RUBCN: variants seen among roughly 807,000 people sequenced by gnomAD.
RUBCN encodes run domain Beclin-1-interacting and cysteine-rich domain-containing protein.
In RUBCN, 74 loss-of-function variants were observed where a neutral mutation model predicts 113.2. The ratio of observed to expected loss-of-function variants is 0.65; its 90% confidence interval spans 0.54 to 0.79. The LOEUF (loss-of-function observed/expected upper bound fraction) is 0.79, where lower values mean the gene tolerates loss of function less well. Ranked by LOEUF, RUBCN falls within the 30% of genes least tolerant of loss-of-function variation. The pLI is 0.00. For missense variants in RUBCN, 1,109 were observed against 1,251.7 expected (o/e 0.89, Z 1.72); for synonymous variants, 480 against 490.0 (o/e 0.98, Z 0.27).
chr3:197,705,019 A>T (rs1374861400), intron 3 of RUBCN, 73 bp downstream of exon 3: 2 of 1,189,890 alleles, frequency 1.7e-6, no homozygotes, highest in Non-Finnish European at 2.5e-6. Flanking sequence ...AGCCTAGAAG[A>T]TTCTTCTGAC....
chr3:197,679,728 C>G (rs2108843568), intron 16 of RUBCN, among the ~76,000 whole-genome samples: 1 of 147,434 alleles, frequency 6.8e-6, no homozygotes, highest in South Asian at 2.2e-4. Flanking sequence ...CCAGACTGTC[C>G]TACGCTCTGA....
Position 197,705,129 on chromosome 3 carries a change from C to A in RUBCN, c.266G>T (p.Arg89Leu). 1 of 1,614,064 alleles carries A rather than the reference C, an allele frequency of 6.2e-7. No individual in the cohort carries two copies. Among genetic ancestry groups the A allele is most frequent in the East Asian group, 2.2e-5 (1 of 44,882 alleles). ...AAGGGCTGAGTGGGGACTGAGCCACCGGATGTCTTTCACGAACTGCCAGTA... is the reference window on the plus strand; with the variant it reads ...AAGGGCTGAGTGGGGACTGAGCCACAGGATGTCTTTCACGAACTGCCAGTA... ...TDYWQFVKDI[R>L]WLSPHSALHV... is the part of the protein sequence containing the mutation. The change falls in exon 3 of 20, where the codon CGG (arginine) becomes CTG (leucine). Residue 89 changes from arginine to leucine, a missense_variant. Around this residue, in one of 3 missense-constraint regions of RUBCN, gnomAD observed 736 missense variants for 779.6 expected, o/e 0.94. Coordinates refer to ENST00000296343, the MANE Select transcript of RUBCN (RefSeq NM_014687.4).
In RUBCN at chr3:197,684,138, G is replaced by A; in HGVS notation, c.1847+19C>T. On this transcript the variant is annotated intron_variant, in intron 12 of 19. Transcript: ENST00000296343. ...CCTAAGGTTTTCTTTTCTTTTTTTT[G>A]GTAAAAAAAAGTACTCACAAGGACT... The A allele has an allele frequency of 6.4e-7, 1 of 1,574,532 alleles. No individual in the cohort carries two copies. The highest frequency in any genetic ancestry group is 8.7e-7 in the Non-Finnish European group (1 of 1,145,028).
chr3:197,746,549 A>G (rs1266714778), intron 1 of RUBCN, among the ~76,000 whole-genome samples: 1 of 152,236 alleles, frequency 6.6e-6, no homozygotes. Flanking sequence ...CAATGAAATG[A>G]TTCTCTGTTG....
intron 1 of RUBCN, among the ~76,000 whole-genome samples, chr3:197,743,782 A>C (rs989325138): frequency 4.6e-5 from 7 of 152,134 alleles, no homozygotes; most frequent in Admixed American, 1.3e-4. Flanking sequence ...TCAGGAGTTC[A>C]AGACCAGCCT....
intron 2 of RUBCN, among the ~76,000 whole-genome samples, chr3:197,712,129 GC>G (rs1182461944): frequency 3.3e-5 from 5 of 151,894 alleles, no homozygotes; most frequent in African/African-American, 1.2e-4. Flanking sequence ...CTTGATTGTG[GC>G]AAAAGGAGGA....
intron 14 of RUBCN, 58 bp downstream of exon 14, chr3:197,682,412 C>G: frequency 5.6e-6 from 9 of 1,607,186 alleles, no homozygotes; most frequent in Non-Finnish European, 7.7e-6. Context: ...GACGAAAACC[C>G]TGACAATCCA....
Position 197,674,368 on chromosome 3 carries a change from A to G in RUBCN, c.*650T>C, listed in dbSNP as rs1460012920. The G allele has an allele frequency of 3.9e-6, 1 of 253,526 alleles. No homozygotes were observed. The highest frequency in any genetic ancestry group is 8.9e-6 in the Non-Finnish European group (1 of 112,690). The allele number at this position is 253,526 out of a possible 1,614,324, so 15.7% of individuals were successfully genotyped here. A position where few individuals can be genotyped will look rare whatever the true frequency, so the allele number is the denominator to read the frequency against. On this transcript the variant is annotated 3_prime_UTR_variant, in exon 20 of 20. Transcript: ENST00000296343. ...GCTTGTGGCATCCTCTATGCTTCAA[A>G]TATTTCAAACAGGAACTCCCGGCAA... is the stretch of plus-strand genomic sequence containing the variant.
At chr3:197,700,478 T>C in intron 7 of RUBCN, 135 bp downstream of exon 7, 1 of 813,072 alleles carries the variant, frequency 1.2e-6, no homozygotes, top group Non-Finnish European at 2.0e-6. Context: ...TAAACTTCTT[T>C]CATTACAAAA....
At chr3:197,705,888 T>C (rs1580279030) in intron 2 of RUBCN, among the ~76,000 whole-genome samples, 2 of 152,098 alleles carry the variant, frequency 1.3e-5, no homozygotes, top group East Asian at 3.9e-4. Flanking sequence ...ACATCACGCC[T>C]GGCTAATTTT....
chr3:197,734,655 T>G (rs1229512094), intron 1 of RUBCN, among the ~76,000 whole-genome samples: 1 of 152,134 alleles, frequency 6.6e-6, no homozygotes, highest in Non-Finnish European at 1.5e-5. Context: ...ATAGCATTTG[T>G]TACATACATT....
chr3:197,683,048 G>A lies in RUBCN; in HGVS notation c.1980+259C>T, dbSNP rs140860821. ...ATTTACTTTTGCGTAGTGTCTCCGA[G>A]GTGGTCACAAACCAAACATGACTGA... On this transcript the variant is annotated intron_variant, in intron 13 of 19. Coordinates refer to ENST00000296343, the MANE Select transcript of RUBCN (RefSeq NM_014687.4). This position sits in a 1 kb window ranked among gnomAD's most constrained non-coding sequence, Gnocchi z 4.6. 2.3e-3 allele frequency among the ~76,000 whole-genome samples: 345 copies of A among 152,364 alleles called. 1 individual carries two copies. Among genetic ancestry groups the A allele is most frequent in the Non-Finnish European group, 3.9e-3 (266 of 68,038 alleles).
chr3:197,700,028 G>A (rs531822385), intron 7 of RUBCN, among the ~76,000 whole-genome samples: 1 of 152,278 alleles, frequency 6.6e-6, no homozygotes, highest in Non-Finnish European at 1.5e-5. Context: ...CGAGTAGGCT[G>A]CCCCTGCTAT....
At chr3:197,745,967 C>T (rs964190403) in intron 1 of RUBCN, among the ~76,000 whole-genome samples, 2 of 149,434 alleles carry the variant, frequency 1.3e-5, no homozygotes, top group African/African-American at 4.9e-5. Context: ...ACCCGGGAGG[C>T]GGAGGTTGCA....
intron 1 of RUBCN, among the ~76,000 whole-genome samples, chr3:197,720,650 G>A (rs922281740): frequency 6.6e-6 from 1 of 152,090 alleles, no homozygotes; most frequent in African/African-American, 2.4e-5. Context: ...CACATGATCT[G>A]TGCACCTCGG....
chr3:197,724,943 G>C lies in RUBCN; in HGVS notation c.66-6813C>G, dbSNP rs549441605. ...GCCTGTAACCCCAGCACTTTGGGAG[G>C]CTGAGGCAGGTGCATTGCTTGAGCT... is the stretch of plus-strand genomic sequence containing the variant. On this transcript the variant is annotated intron_variant, in intron 1 of 19. Coordinates refer to ENST00000296343, the MANE Select transcript of RUBCN (RefSeq NM_014687.4). 2.4e-4 allele frequency among the ~76,000 whole-genome samples: 37 copies of C among 152,260 alleles called. No homozygotes were observed. The South Asian group carries it at 7.7e-3, about 32-fold the overall frequency.
intron 11 of RUBCN, among the ~76,000 whole-genome samples, chr3:197,684,591 C>T (rs1200873727): frequency 6.6e-6 from 1 of 151,954 alleles, no homozygotes; most frequent in Non-Finnish European, 1.5e-5. Flanking sequence ...CCTCACTCTC[C>T]ACATCTTAAC....
At chr3:197,734,825 A>G (rs763979113) in intron 1 of RUBCN, among the ~76,000 whole-genome samples, 2 of 152,210 alleles carry the variant, frequency 1.3e-5, no homozygotes, top group Non-Finnish European at 2.9e-5. Flanking sequence ...AGAAACTGAA[A>G]CATGGAAAAG....
At chr3:197,680,554 T>C (rs1410611885) in intron 16 of RUBCN, among the ~76,000 whole-genome samples, 3 of 150,434 alleles carry the variant, frequency 2.0e-5, no homozygotes, top group Admixed American at 6.6e-5. Flanking sequence ...TCAGACTGTC[T>C]TACGCTCTAA....
Sources: allele counts gnomAD v4.1 joint callset (sites outside exome capture counted in the v4.1 genomes callset), GRCh38; gene constraint gnomAD v4.1.1; regional missense constraint gnomAD v4.1.1; non-coding constraint Gnocchi (gnomAD v3.1); transcripts MANE v1.5; gene names NCBI Gene and HGNC (gene_info 2026-07-23, HGNC 2026-07-21).